The following APBA2 variants were observed in gnomAD, a reference collection of about 807,000 sequenced individuals.
APBA2 encodes amyloid beta precursor protein binding family A member 2.
Under a neutral mutation model 75.0 loss-of-function variants are expected in APBA2, and 30 were observed. The observed-to-expected ratio is 0.40, with a 90% CI of 0.30 to 0.54. The LOEUF (loss-of-function observed/expected upper bound fraction) is 0.54. Ranked by LOEUF, APBA2 falls within the 20% of genes least tolerant of loss-of-function variation. APBA2 has a pLI of 0.49. For missense variants in APBA2, 801 were observed against 1,016.1 expected (o/e 0.79, Z 2.88); for synonymous variants, 444 against 409.6 (o/e 1.08, Z -1.01).
chr15:28,981,238 G>A lies in APBA2; in HGVS notation c.-94-14515G>A, dbSNP rs1380268277. Among the ~76,000 whole-genome samples the A allele has an allele frequency of 2.0e-5, 3 of 152,124 alleles. No homozygotes were observed. In the East Asian group the frequency reaches 5.8e-4, roughly 29 times the overall value. ...TAAACAGACAACCTACAGAATGGGAGAAAATACAAACTATGCATCCAACAA... is the reference window on the plus strand; with the variant it reads ...TAAACAGACAACCTACAGAATGGGAAAAAATACAAACTATGCATCCAACAA... On this transcript the variant is annotated intron_variant, in intron 2 of 14. Transcript: ENST00000683413.
chr15:29,018,639 C>T (rs1349355088), intron 3 of APBA2, among the ~76,000 whole-genome samples: 1 of 152,158 alleles, frequency 6.6e-6, no homozygotes, highest in East Asian at 1.9e-4. Context: ...GGAGCTGGAG[C>T]TGCCAGGGAA....
rs532910068 is a variant in APBA2, at chr15:29,032,414, C to T, written c.-40-21431C>T. Among the ~76,000 whole-genome samples, 5 of 152,376 alleles carry T rather than the reference C, an allele frequency of 3.3e-5. No homozygotes were observed. The South Asian group carries it at 1.0e-3, about 32-fold the overall frequency. ...GGTCGGCCCCCAGACCCCCTTGTGA[C>T]TCAAGACTGGAATGTCAACTCCTCC... On this transcript the variant is annotated intron_variant, in intron 3 of 14. Coordinates refer to ENST00000683413, the MANE Select transcript of APBA2 (RefSeq NM_001353788.2).
chr15:28,930,893 G>A lies in APBA2; in HGVS notation c.-95+9144G>A, dbSNP rs2034527587. Among the ~76,000 whole-genome samples, 3 of 152,206 alleles carry A rather than the reference G, an allele frequency of 2.0e-5. No homozygotes were observed. The South Asian group carries it at 6.2e-4, about 32-fold the overall frequency. On this transcript the variant is annotated intron_variant, in intron 2 of 14. Transcript: ENST00000683413. ...TGTTCCTTCAAGGCGGCCCCAGGCT[G>A]GCCCCACACTGGTGGGAGCAGCAGG...
chr15:28,896,319 G>A (rs1413397296), intron 1 of APBA2, among the ~76,000 whole-genome samples: 16 of 151,912 alleles, frequency 1.1e-4, no homozygotes, highest in South Asian at 2.1e-4. Context: ...TCATTCTGTC[G>A]CCCAGACTGG....
At chr15:28,962,836 T>C (rs77846452) in intron 2 of APBA2, among the ~76,000 whole-genome samples, 4,142 of 152,346 alleles carry the variant, frequency 0.027, 80 homozygotes, top group Non-Finnish European at 0.041. Flanking sequence ...ACTCATTAGA[T>C]GCTAGTGATG....
At chr15:29,020,583 A>G (rs2039902106) in intron 3 of APBA2, among the ~76,000 whole-genome samples, 1 of 152,014 alleles carries the variant, frequency 6.6e-6, no homozygotes, top group East Asian at 1.9e-4. Flanking sequence ...AGAGGGGTGG[A>G]TCACCTGAGG....
chr15:28,887,566 G>A (rs998766414), intron 1 of APBA2, among the ~76,000 whole-genome samples: 9 of 152,116 alleles, frequency 5.9e-5, no homozygotes, highest in African/African-American at 2.4e-5. Flanking sequence ...AGTCCAGGGC[G>A]TCCAGGATGC....
rs372888964 is a variant in APBA2 at position 29,113,978 on chromosome 15, G to A, written c.2140G>A (p.Glu714Lys). 12 of 1,613,698 alleles carry A rather than the reference G, an allele frequency of 7.4e-6. No homozygotes were observed. In the African/African-American group the frequency reaches 1.3e-4, roughly 18 times the overall value. Residue 714 changes from glutamate (E) to lysine (K), a missense_variant, in exon 14 of 15, where the codon GAG becomes AAG. Physicochemically the swap from Glu to Lys is moderately conservative, Grantham distance 56 (BLOSUM62 1). Around this residue, in one of 2 missense-constraint regions of APBA2, gnomAD observed 367 missense variants for 544.5 expected, o/e 0.67. Coordinates refer to ENST00000683413, the MANE Select transcript of APBA2 (RefSeq NM_001353788.2). Reference sequence around the variant, plus strand: ...GCAGAGCGTGGTGGCCACAGCCCACGAGAAGATAGTCCAAGCTCTGTCCAA... The same window carrying A: ...GCAGAGCGTGGTGGCCACAGCCCACAAGAAGATAGTCCAAGCTCTGTCCAA... ...NGQSVVATAH[E>K]KIVQALSNSV...
At chr15:28,939,978 G>A (rs147489646) in intron 2 of APBA2, among the ~76,000 whole-genome samples, 15 of 152,300 alleles carry the variant, frequency 9.8e-5, no homozygotes, top group Middle Eastern at 3.4e-3. Flanking sequence ...CTCCATCTCC[G>A]TGCTTACAGC....
At chr15:29,045,103 C>CTCTCTCTCTCTCTCTCTCTCTCTCTT (rs57446098) in intron 3 of APBA2, among the ~76,000 whole-genome samples, 10 of 140,400 alleles carry the variant, frequency 7.1e-5, no homozygotes, top group South Asian at 4.9e-4. Context: ...CTCTCTCTCT[C>CTCTCTCTCTCTCTCTCTCTCTCTCTT]GTCTCGCACT....
chr15:28,940,241 G>A (rs533593979), intron 2 of APBA2, among the ~76,000 whole-genome samples: 5 of 151,858 alleles, frequency 3.3e-5, no homozygotes, highest in African/African-American at 9.7e-5. Flanking sequence ...GGCTGGGCGT[G>A]GTGGCTCACG....
intron 1 of APBA2, among the ~76,000 whole-genome samples, chr15:28,912,708 C>T (rs1026863586): frequency 7.2e-5 from 11 of 152,222 alleles, no homozygotes; most frequent in Admixed American, 1.3e-4. Flanking sequence ...AGGCACCCCA[C>T]TACTGTTATT....
At position 29,054,310 on chromosome 15, in the gene APBA2, G is replaced by A. The variant is rs201879619; in HGVS notation, c.426G>A (p.Thr142=). 57 of 1,614,054 alleles carry A rather than the reference G, an allele frequency of 3.5e-5. No homozygotes were observed. The highest frequency in any genetic ancestry group is 1.6e-4 in the Middle Eastern group (1 of 6,062). ...DECQEAVEEW[T]DSAGPHPHGH... ...GCCAGGAGGCGGTGGAGGAGTGGAC[G>A]GACTCGGCGGGCCCGCACCCCCACG... Residue 142 remains threonine (T), a synonymous_variant, in exon 4 of 15, where the codon ACG becomes ACA. Transcript: ENST00000683413. The surrounding 1 kb of genome is among the most constrained non-coding windows in gnomAD (Gnocchi z 6.1).
At chr15:29,076,172 A>T in intron 6 of APBA2, 81 bp downstream of exon 6, 8 of 1,448,224 alleles carry the variant, frequency 5.5e-6, no homozygotes, top group Non-Finnish European at 7.8e-6. Context: ...TTGGGCATTC[A>T]CCTGCAAAGC....
intron 1 of APBA2, among the ~76,000 whole-genome samples, chr15:28,898,284 A>T (rs36179795): frequency 6.6e-6 from 1 of 152,042 alleles, no homozygotes; most frequent in African/African-American, 2.4e-5. Flanking sequence ...GAGACACACA[A>T]AAGTGTCCAT....
At chr15:28,917,925 G>A (rs934207216) in intron 1 of APBA2, among the ~76,000 whole-genome samples, 1 of 152,148 alleles carries the variant, frequency 6.6e-6, no homozygotes, top group Admixed American at 6.5e-5. Context: ...TCCTGCCCCC[G>A]CCCCATTCTG....
chr15:29,094,887 C>T (rs1285401543), intron 8 of APBA2, among the ~76,000 whole-genome samples: 1 of 120,940 alleles, frequency 8.3e-6, no homozygotes, highest in African/African-American at 2.7e-5. Flanking sequence ...CAATGAGAAC[C>T]CTGTCTCCAC....
At chr15:28,953,413 C>A (rs74007012) in intron 2 of APBA2, among the ~76,000 whole-genome samples, 1 of 152,040 alleles carries the variant, frequency 6.6e-6, no homozygotes, top group Non-Finnish European at 1.5e-5. Context: ...CCACTCCCCC[C>A]GCCCCACCCC....
chr15:29,005,694 A>G (rs995149742), intron 3 of APBA2, among the ~76,000 whole-genome samples: 1 of 152,048 alleles, frequency 6.6e-6, no homozygotes, highest in Non-Finnish European at 1.5e-5. Context: ...GTGCAACCCC[A>G]TCTCTACTAA....
Sources: allele counts gnomAD v4.1 joint callset (sites outside exome capture counted in the v4.1 genomes callset), GRCh38; gene constraint gnomAD v4.1.1; regional missense constraint gnomAD v4.1.1; non-coding constraint Gnocchi (gnomAD v3.1); transcripts MANE v1.5; gene names NCBI Gene and HGNC (gene_info 2026-07-23, HGNC 2026-07-21).